Variants in OR51B5 observed in about 807,000 individuals in gnomAD.
The protein encoded by OR51B5 is olfactory receptor family 51 subfamily B member 5.
For synonymous variants in OR51B5, 186 were observed against 144.8 expected, an observed-to-expected ratio of 1.28 and a Z score of -2.04; for missense variants, 456 against 374.6, an observed-to-expected ratio of 1.22 and a Z score of -1.79.
chr11:5,369,045 C>T (rs12796030), intron 1 of OR51B5, among the ~76,000 whole-genome samples: 57,995 of 151,924 alleles, frequency 0.38, 11,304 homozygotes, highest in Non-Finnish European at 0.41. Context: ...TATTCATTCA[C>T]CAAGATGAGT....
intron 1 of OR51B5, among the ~76,000 whole-genome samples, chr11:5,462,101 G>GA (rs1024217345): frequency 1.3e-5 from 2 of 152,132 alleles, no homozygotes; most frequent in Non-Finnish European, 2.9e-5. Context: ...AAGGTGTGTG[G>GA]AAAAAATATG....
At chr11:5,414,480 A>G (rs1262475977) in intron 1 of OR51B5, among the ~76,000 whole-genome samples, 1 of 152,066 alleles carries the variant, frequency 6.6e-6, no homozygotes, top group African/African-American at 2.4e-5. Context: ...TAAAAGACAC[A>G]GACTGGCAAA....
chr11:5,378,776 C>T (rs971439180), intron 1 of OR51B5, among the ~76,000 whole-genome samples: 1 of 151,714 alleles, frequency 6.6e-6, no homozygotes, highest in African/African-American at 2.4e-5. Flanking sequence ...CATCTCATAC[C>T]AGTTAGAATG....
intron 1 of OR51B5, among the ~76,000 whole-genome samples, chr11:5,369,382 C>T (rs1849418245): frequency 6.6e-6 from 1 of 152,038 alleles, no homozygotes; most frequent in Non-Finnish European, 1.5e-5. Flanking sequence ...CCACTATTTG[C>T]AAAATATAAC....
At chr11:5,394,209 C>G (rs1282440022) in intron 1 of OR51B5, among the ~76,000 whole-genome samples, 1 of 151,996 alleles carries the variant, frequency 6.6e-6, no homozygotes, top group Non-Finnish European at 1.5e-5. Flanking sequence ...GCATAATACA[C>G]TATAAGTCAC....
At chr11:5,389,832 C>T in intron 1 of OR51B5, 9 of 1,613,900 alleles carry the variant, frequency 5.6e-6, no homozygotes, top group East Asian at 2.2e-5. Context: ...CTGAGGTATT[C>T]GGTCATTATC....
At chr11:5,466,814 C>G (rs1176825978) in intron 1 of OR51B5, among the ~76,000 whole-genome samples, 1 of 152,198 alleles carries the variant, frequency 6.6e-6, no homozygotes, top group Non-Finnish European at 1.5e-5. Context: ...TTCTGTGTGT[C>G]AGAGCGAAGT....
chr11:5,418,521 C>T (rs1442960206), intron 1 of OR51B5, among the ~76,000 whole-genome samples: 1 of 152,040 alleles, frequency 6.6e-6, no homozygotes, highest in Non-Finnish European at 1.5e-5. Context: ...AAATGTGGCA[C>T]ATATACACCA....
At chr11:5,362,746 C>A in intron 1 of OR51B5, 1 of 210,964 alleles carries the variant, frequency 4.7e-6, no homozygotes. Flanking sequence ...TCACCTCTAC[C>A]AAGTACACTT....
chr11:5,345,970 G>C (rs1201151856), upstream of OR51B5: 2 of 151,822 alleles, frequency 1.3e-5, no homozygotes, highest in Non-Finnish European at 2.9e-5. Flanking sequence ...TCAGTTACTA[G>C]ACGCAAAGAT....
At position 5,417,607 on chromosome 11, in the gene OR51B5, G is replaced by A. The variant is rs181890572; in HGVS notation, n.85-70697C>T. On this transcript the variant is annotated intron_variant and non_coding_transcript_variant, in intron 1 of 4. Coordinates refer to the OR51B5 transcript ENST00000415970. ...AAAAAAAAAACCCCATCCAAAAGTG[G>A]GCGAAGGACATGAACAGACACTTCT... Among the ~76,000 whole-genome samples, 5 of 151,396 alleles carry A rather than the reference G, an allele frequency of 3.3e-5. 1 individual carries two copies. Among genetic ancestry groups the A allele is most frequent in the Admixed American group, 3.3e-4 (5 of 15,196 alleles).
At position 5,494,370 on chromosome 11, in the gene OR51B5, G is replaced by C. The variant is rs901407692; in HGVS notation, n.84+11199C>G. ...CAGTACCTGAATGTCTCCTTCCCAA[G>C]CATCACATGACGGCCTTTCCCAGTC... On this transcript the variant is annotated intron_variant and non_coding_transcript_variant, in intron 1 of 4. Transcript: ENST00000415970. 7.2e-5 allele frequency among the ~76,000 whole-genome samples: 11 copies of C among 152,184 alleles called. No homozygotes were observed. The East Asian group carries it at 2.1e-3, about 29-fold the overall frequency.
At chr11:5,352,196 G>C in intron 1 of OR51B5, 1 of 1,614,168 alleles carries the variant, frequency 6.2e-7, no homozygotes, top group Non-Finnish European at 8.5e-7. Flanking sequence ...GGTTCTGGAG[G>C]AGAAAGGGCC....
upstream of OR51B5, among the ~76,000 whole-genome samples, chr11:5,347,688 G>A (rs1390984905): frequency 2.0e-5 from 3 of 152,124 alleles, no homozygotes; most frequent in Non-Finnish European, 2.9e-5. Flanking sequence ...CAGAGACAGA[G>A]ATCTTGAGTT....
At position 5,500,750 on chromosome 11, in the gene OR51B5, A is replaced by G. The variant is rs905173063; in HGVS notation, n.84+4819T>C. On this transcript the variant is annotated intron_variant and non_coding_transcript_variant, in intron 1 of 4. Transcript: ENST00000415970. ...TCACCAACTGTGGGAAGCCCCTATG[A>G]CCAATGAACTTTTGTTTCAAAACGA... Among the ~76,000 whole-genome samples, 10 of 148,150 alleles carry G rather than the reference A, an allele frequency of 6.7e-5. 1 individual carries two copies. In the East Asian group the frequency reaches 1.4e-3, roughly 20 times the overall value.
In OR51B5 at chr11:5,476,516, A is replaced by C. The variant is rs139158433; in HGVS notation, n.84+29053T>G. 6.6e-4 allele frequency among the ~76,000 whole-genome samples: 101 copies of C among 152,336 alleles called. 3 individuals are homozygous for C. In the South Asian group the frequency reaches 0.019, roughly 29 times the overall value. On this transcript the variant is annotated intron_variant and non_coding_transcript_variant, in intron 1 of 4. Coordinates refer to the OR51B5 transcript ENST00000415970. ...GTGCCCAAAAAATAGTCACTGGATG[A>C]AAGAATGAGCCTCCTTTGTGACTTG...
rs192638167 is a variant in OR51B5, at chr11:5,464,125, T to C, written n.84+41444A>G. Among the ~76,000 whole-genome samples the C allele has an allele frequency of 8.5e-5, 13 of 152,362 alleles. No homozygotes were observed. The East Asian group carries it at 1.7e-3, about 20-fold the overall frequency. On this transcript the variant is annotated intron_variant and non_coding_transcript_variant, in intron 1 of 4. Transcript: ENST00000415970. ...TTTAATTAGTCTTAATAGCTAAACC[T>C]AATGTCTCTGACTGGGACAAATTAT...
chr11:5,486,757 G>A (rs1401633932), intron 1 of OR51B5, among the ~76,000 whole-genome samples: 1 of 152,166 alleles, frequency 6.6e-6, no homozygotes, highest in Non-Finnish European at 1.5e-5. Flanking sequence ...TGATGCCCAT[G>A]ACTTTTTGTT....
chr11:5,439,958 A>G (rs972713560), intron 1 of OR51B5, among the ~76,000 whole-genome samples: 1 of 152,168 alleles, frequency 6.6e-6, no homozygotes, highest in Non-Finnish European at 1.5e-5. Context: ...TACTGTTCTA[A>G]ACGTTTCTGC....
Sources: allele counts gnomAD v4.1 joint callset (sites outside exome capture counted in the v4.1 genomes callset), GRCh38; gene constraint gnomAD v4.1.1; transcripts MANE v1.5; gene names NCBI Gene and HGNC (gene_info 2026-07-23, HGNC 2026-07-21).